ARHGEF37: variants seen among roughly 807,000 people sequenced by gnomAD.
ARHGEF37 encodes the protein Rho guanine nucleotide exchange factor (GEF) 37.
ARHGEF37 carries 55 observed loss-of-function variants against 71.1 expected under a neutral mutation model. The observed-to-expected ratio is 0.77, with a 90% CI of 0.62 to 0.97. The LOEUF is 0.97. Among genes scored for constraint, ARHGEF37 ranks in the 50% least tolerant of loss-of-function variants. The probability of loss-of-function intolerance (pLI) is 0.00; values close to 1 mark genes in which losing one functional copy is unlikely to be tolerated. For synonymous variants in ARHGEF37, 327 were observed against 350.6 expected (o/e 0.93, Z 0.75); for missense variants, 765 against 836.8 (o/e 0.91, Z 1.06).
chr5:149,561,272 C>CAA (rs11334969), intron 1 of ARHGEF37, among the ~76,000 whole-genome samples: 29 of 63,084 alleles, frequency 4.6e-4, no homozygotes, highest in East Asian at 3.6e-3. Context: ...GACTCTGTCT[C>CAA]AAAAAAAAAA....
chr5:149,569,589 G>A (rs1762938284), intron 1 of ARHGEF37, among the ~76,000 whole-genome samples: 5 of 152,060 alleles, frequency 3.3e-5, no homozygotes, highest in Admixed American at 3.3e-4. Context: ...CACAGTGCTG[G>A]GATTACAGGT....
At chr5:149,605,658 T>C (rs1005557024) in intron 3 of ARHGEF37, among the ~76,000 whole-genome samples, 2 of 152,220 alleles carry the variant, frequency 1.3e-5, no homozygotes, top group African/African-American at 4.8e-5. Context: ...ATGAAAATAG[T>C]ATCCATCTCT....
At chr5:149,568,696 A>G (rs1031553712) in intron 1 of ARHGEF37, among the ~76,000 whole-genome samples, 1 of 151,232 alleles carries the variant, frequency 6.6e-6, no homozygotes, top group African/African-American at 2.4e-5. Context: ...CTATAATCTC[A>G]GTTACTTGGG....
intron 5 of ARHGEF37, among the ~76,000 whole-genome samples, chr5:149,617,764 A>C (rs1752418875): frequency 6.6e-6 from 1 of 152,174 alleles, no homozygotes; most frequent in South Asian, 2.1e-4. Flanking sequence ...AGTAGGAAGC[A>C]CTGAGTCAGG....
chr5:149,590,113 C>T (rs1449286374), intron 1 of ARHGEF37, among the ~76,000 whole-genome samples: 1 of 152,156 alleles, frequency 6.6e-6, no homozygotes, highest in Non-Finnish European at 1.5e-5. Context: ...AAATGCTTGG[C>T]ATGTAGTAGT....
At chr5:149,574,477 C>T (rs1462933402) in intron 1 of ARHGEF37, among the ~76,000 whole-genome samples, 4 of 152,152 alleles carry the variant, frequency 2.6e-5, no homozygotes, top group South Asian at 2.1e-4. Context: ...TTTGCCGGCT[C>T]CCCTTTCTTT....
Position 149,624,086 on chromosome 5 carries a change from G to C in ARHGEF37, c.1410G>C (p.Gln470His), listed in dbSNP as rs776430843. Reference sequence around the variant, plus strand: ...ACGCACTGGGCCGGACGAGTAACCAGCTTCGCTCCTTTCAAGAGACCTTTG... The same window carrying C: ...ACGCACTGGGCCGGACGAGTAACCACCTTCGCTCCTTTCAAGAGACCTTTG... Reference protein sequence around the residue: ...VEDALGRTSNQLRSFQETFEK... With the variant: ...VEDALGRTSNHLRSFQETFEK... The change falls in exon 10 of 13, where the codon CAG (glutamine) becomes CAC (histidine). Residue 470 changes from glutamine (Q) to histidine (H), a missense_variant. By Grantham distance (24) the Gln-to-His change is conservative. Coordinates refer to ENST00000333677, the MANE Select transcript of ARHGEF37 (RefSeq NM_001001669.3). The C allele has an allele frequency of 1.2e-6, 2 of 1,612,004 alleles. No individual in the cohort carries two copies. The highest frequency in any genetic ancestry group is 1.7e-6 in the Non-Finnish European group (2 of 1,178,360).
intron 12 of ARHGEF37, among the ~76,000 whole-genome samples, chr5:149,630,669 A>G (rs938447455): frequency 5.2e-4 from 79 of 152,174 alleles, no homozygotes; most frequent in African/African-American, 1.7e-3. Flanking sequence ...TGGGGACAGG[A>G]ATGAGGTTAC....
At chr5:149,625,114 T>C (rs1752647819) in intron 10 of ARHGEF37, among the ~76,000 whole-genome samples, 1 of 152,040 alleles carries the variant, frequency 6.6e-6, no homozygotes, top group African/African-American at 2.4e-5. Flanking sequence ...GCCAGGCTGG[T>C]CTCGAACTCC....
intron 1 of ARHGEF37, among the ~76,000 whole-genome samples, chr5:149,568,786 T>A (rs1762928250): frequency 7.5e-6 from 1 of 133,868 alleles, no homozygotes; most frequent in African/African-American, 2.9e-5. Context: ...CACTCCACTC[T>A]GGGCAACAGA....
intron 3 of ARHGEF37, among the ~76,000 whole-genome samples, chr5:149,605,149 C>A (rs1458323941): frequency 6.6e-6 from 1 of 150,670 alleles, no homozygotes; most frequent in Non-Finnish European, 1.5e-5. Context: ...ATTGCTTGAA[C>A]CCAGGAGGTG....
intron 10 of ARHGEF37, among the ~76,000 whole-genome samples, chr5:149,626,264 ACACACACACACACACACACACACG>A (rs1752681619): frequency 6.7e-6 from 1 of 149,606 alleles, no homozygotes; most frequent in South Asian, 2.1e-4. Flanking sequence ...ACACACACAC[ACACACACACACACACACACACACG>A]CCTCTCTCAA....
At chr5:149,628,990 G>A in intron 12 of ARHGEF37, 24 bp downstream of exon 12, 5 of 1,602,108 alleles carry the variant, frequency 3.1e-6, no homozygotes, top group Non-Finnish European at 4.3e-6. Context: ...AGGGCTGGGG[G>A]CTTGCCTCCC....
In ARHGEF37 at chr5:149,575,666, T is replaced by C. The variant is rs567690534; in HGVS notation, c.-11-22093T>C. The stretch of plus-strand genomic sequence containing the variant: ...TTGGATTTCTGTCACTGCAACCAAA[T>C]GACTATTTTTTTTTTTTTTTTTTTT... On this transcript the variant is annotated intron_variant, in intron 1 of 2. Coordinates refer to the ARHGEF37 transcript ENST00000505810. 4.5e-3 allele frequency among the ~76,000 whole-genome samples: 645 copies of C among 143,862 alleles called. 16 individuals carry two copies. The highest frequency in any genetic ancestry group is 0.016 in the African/African-American group (605 of 38,400). The allele number at this position is 143,862 out of a possible 152,430, so 94.4% of individuals were successfully genotyped here.
At chr5:149,600,306 G>A (rs1294416317) in intron 2 of ARHGEF37, among the ~76,000 whole-genome samples, 2 of 152,216 alleles carry the variant, frequency 1.3e-5, no homozygotes, top group Non-Finnish European at 2.9e-5. Context: ...AGAAACAAGA[G>A]CAGACTCTAG....
chr5:149,567,399 A>C (rs1453423678), intron 1 of ARHGEF37, among the ~76,000 whole-genome samples: 2 of 152,214 alleles, frequency 1.3e-5, no homozygotes, highest in Non-Finnish European at 2.9e-5. Context: ...TCCACTTCAA[A>C]GTTACCATTT....
chr5:149,617,353 G>C (rs1288863356), intron 5 of ARHGEF37, among the ~76,000 whole-genome samples: 1 of 152,190 alleles, frequency 6.6e-6, no homozygotes, highest in Non-Finnish European at 1.5e-5. Context: ...ATAGTGGGGA[G>C]GTAAAGAGCT....
intron 1 of ARHGEF37, among the ~76,000 whole-genome samples, chr5:149,565,763 A>G (rs1191337742): frequency 1.3e-5 from 2 of 148,886 alleles, no homozygotes; most frequent in Admixed American, 6.9e-5. Flanking sequence ...TTTCATGGTC[A>G]TCATGACTTG....
At chr5:149,553,615 C>T (rs1026579909) in intron 1 of ARHGEF37, among the ~76,000 whole-genome samples, 5 of 151,912 alleles carry the variant, frequency 3.3e-5, no homozygotes, top group African/African-American at 7.3e-5. Context: ...TCAATGAAGC[C>T]GGGGGCAGGG....
Sources: gnomAD v4.1 joint callset for allele counts (sites outside exome capture counted in the v4.1 genomes callset) on GRCh38, gnomAD v4.1.1 for gene constraint, MANE v1.5 for transcripts, NCBI Gene and HGNC (gene_info 2026-07-23, HGNC 2026-07-21) for gene names.